Variants in ATP6V1A observed in about 807,000 individuals in gnomAD.
The protein encoded by ATP6V1A is V-type proton ATPase catalytic subunit A.
ATP6V1A carries 18 observed loss-of-function variants against 70.1 expected under a neutral mutation model. That is an observed-to-expected ratio of 0.26 (90% confidence interval 0.18 to 0.38). The LOEUF (loss-of-function observed/expected upper bound fraction) is 0.38. ATP6V1A is among the 10% of genes least tolerant of loss of function. The pLI is 1.00. For missense variants in ATP6V1A, 424 were observed against 772.4 expected, an observed-to-expected ratio of 0.55 and a Z score of 5.35; for synonymous variants, 232 against 253.8, an observed-to-expected ratio of 0.91 and a Z score of 0.82.
intron 1 of ATP6V1A, among the ~76,000 whole-genome samples, chr3:113,757,427 A>G (rs1708657633): frequency 6.6e-6 from 1 of 152,252 alleles, no homozygotes; most frequent in South Asian, 2.1e-4. Context: ...CCATTGAGCC[A>G]TATCAACTTT....
intron 1 of ATP6V1A, among the ~76,000 whole-genome samples, chr3:113,771,477 G>A (rs779926461): frequency 4.5e-5 from 6 of 132,472 alleles, no homozygotes; most frequent in East Asian, 2.3e-4. Context: ...TCGCTCTGTC[G>A]CCCAGGCTGG....
At chr3:113,800,181 G>T (rs937226193) in intron 12 of ATP6V1A, among the ~76,000 whole-genome samples, 1 of 146,898 alleles carries the variant, frequency 6.8e-6, no homozygotes, top group Non-Finnish European at 1.5e-5. Context: ...GCAGTGAGCC[G>T]AAATCACGCC....
Position 113,809,490 on chromosome 3 carries a change from C to G in ATP6V1A, c.*63C>G. The G allele has an allele frequency of 6.9e-7, 1 of 1,438,926 alleles. No individual in the cohort carries two copies. Among genetic ancestry groups the G allele is most frequent in the Non-Finnish European group, 9.6e-7 (1 of 1,036,914 alleles). 89.1% of individuals were successfully genotyped at this position (1,438,926 alleles called of 1,614,324 possible). A position where few individuals can be genotyped will look rare whatever the true frequency, so the allele number is the denominator to read the frequency against. ...AGCAAGCTCCTATGTGTATATTTTC[C>G]TGAATTTCTCATCTCAAACCCTTTG... On this transcript the variant is annotated 3_prime_UTR_variant, in exon 15 of 15. Coordinates refer to ENST00000273398, the MANE Select transcript of ATP6V1A (RefSeq NM_001690.4).
intron 14 of ATP6V1A, among the ~76,000 whole-genome samples, chr3:113,806,551 TG>T (rs1262052618): frequency 1.3e-5 from 2 of 151,940 alleles, no homozygotes; most frequent in Admixed American, 6.6e-5. Flanking sequence ...CTCCACCTCC[TG>T]GGTTCAAGCG....
In ATP6V1A at chr3:113,795,140, C is replaced by T. The variant is rs748247716; in HGVS notation, c.1162C>T (p.Arg388Ter). The change falls in exon 10 of 15, where the codon CGA becomes TGA. Residue 388 changes from arginine to a stop codon, truncating the protein, a stop_gained. Coordinates refer to ENST00000273398, the MANE Select transcript of ATP6V1A (RefSeq NM_001690.4). LOFTEE classifies it high-confidence loss of function. Reference sequence around the variant, plus strand: ...TGCCCGTCTGGCCTCGTTTTATGAACGAGCAGGCAGGGTGAAATGTCTTGG... The same window carrying T: ...TGCCCGTCTGGCCTCGTTTTATGAATGAGCAGGCAGGGTGAAATGTCTTGG... The part of the protein sequence containing the change: ...LGARLASFYE[R>*]AGRVKCLGNP... The T allele has an allele frequency of 2.5e-6, 4 of 1,614,044 alleles. No homozygotes were observed. Among genetic ancestry groups the T allele is most frequent in the Non-Finnish European group, 2.5e-6 (3 of 1,180,002 alleles).
At chr3:113,749,263 T>TCACACACACACACACA (rs58516178) in intron 1 of ATP6V1A, among the ~76,000 whole-genome samples, 97 of 141,250 alleles carry the variant, frequency 6.9e-4, no homozygotes, top group African/African-American at 2.5e-3. Context: ...TATACACAGA[T>TCACACACACACACACA]CACACACACA....
chr3:113,761,591 C>G (rs1029234409), intron 1 of ATP6V1A, among the ~76,000 whole-genome samples: 23 of 151,294 alleles, frequency 1.5e-4, no homozygotes, highest in Admixed American at 1.3e-3. Flanking sequence ...ACATAATTAG[C>G]CGGGCATGGA....
At position 113,760,096 on chromosome 3, in the gene ATP6V1A, C is replaced by T. The variant is rs1311036834; in HGVS notation, c.-14+12983C>T. 3.3e-5 allele frequency among the ~76,000 whole-genome samples: 5 copies of T among 152,274 alleles called. No individual in the cohort carries two copies. In the East Asian group the frequency reaches 9.6e-4, roughly 29 times the overall value. On this transcript the variant is annotated intron_variant, in intron 1 of 14. Coordinates refer to ENST00000273398, the MANE Select transcript of ATP6V1A (RefSeq NM_001690.4). The stretch of plus-strand genomic sequence containing the variant: ...TACTATTGAAAACTTCTCCTCTCCC[C>T]ACAACTAGTTTAGTTAAATAAACCC...
intron 12 of ATP6V1A, 78 bp downstream of exon 12, chr3:113,798,524 T>C: frequency 8.0e-7 from 1 of 1,249,322 alleles, no homozygotes; most frequent in Non-Finnish European, 1.1e-6. Flanking sequence ...GCCTTGGATA[T>C]TACAGATTCT....
chr3:113,782,560 GTGTATA>G (rs1164286836), intron 3 of ATP6V1A, among the ~76,000 whole-genome samples: 1 of 141,898 alleles, frequency 7.0e-6, no homozygotes, highest in Non-Finnish European at 1.5e-5. Context: ...ATATATACAT[GTGTATA>G]TATATACGTA....
At chr3:113,759,561 T>C (rs918034067) in intron 1 of ATP6V1A, among the ~76,000 whole-genome samples, 1 of 151,922 alleles carries the variant, frequency 6.6e-6, no homozygotes, top group African/African-American at 2.4e-5. Context: ...ATTAAAATTA[T>C]TAATAAAATT....
intron 1 of ATP6V1A, among the ~76,000 whole-genome samples, chr3:113,748,722 G>A (rs761864868): frequency 2.0e-5 from 3 of 152,132 alleles, no homozygotes; most frequent in Non-Finnish European, 4.4e-5. Flanking sequence ...ACATAACCTC[G>A]GAGATGTTGC....
chr3:113,779,381 G>A (rs768635140), intron 2 of ATP6V1A, among the ~76,000 whole-genome samples: 8 of 152,168 alleles, frequency 5.3e-5, no homozygotes, highest in Admixed American at 1.3e-4. Context: ...AAAACATGGA[G>A]TGCTGCTTTT....
intron 14 of ATP6V1A, among the ~76,000 whole-genome samples, chr3:113,808,053 C>T (rs530345817): frequency 6.6e-6 from 1 of 151,282 alleles, no homozygotes; most frequent in African/African-American, 2.4e-5. Flanking sequence ...TCACTTAAGC[C>T]CGGGAGGTGG....
intron 13 of ATP6V1A, 47 bp downstream of exon 13, chr3:113,803,724 G>T: frequency 6.7e-7 from 1 of 1,487,814 alleles, no homozygotes; most frequent in Middle Eastern, 1.7e-4. Context: ...TTTCTGTTGT[G>T]TTTTGGTGAA....
intron 14 of ATP6V1A, among the ~76,000 whole-genome samples, chr3:113,807,735 T>C (rs1709292824): frequency 6.6e-6 from 1 of 152,228 alleles, no homozygotes; most frequent in Non-Finnish European, 1.5e-5. Context: ...TACATGCTTA[T>C]TGTGTCAAAT....
chr3:113,781,686 A>G (rs768071317), intron 3 of ATP6V1A, among the ~76,000 whole-genome samples: 4 of 152,240 alleles, frequency 2.6e-5, no homozygotes, highest in Non-Finnish European at 5.9e-5. Context: ...TCTTATTTTA[A>G]GAAATTAGTA....
intron 8 of ATP6V1A, among the ~76,000 whole-genome samples, chr3:113,791,038 T>C (rs544326620): frequency 6.6e-6 from 1 of 152,292 alleles, no homozygotes; most frequent in East Asian, 1.9e-4. Flanking sequence ...ATTGATAGTT[T>C]CATTAAATTT....
intron 1 of ATP6V1A, among the ~76,000 whole-genome samples, chr3:113,759,482 G>C (rs571325323): frequency 6.6e-6 from 1 of 151,390 alleles, no homozygotes; most frequent in East Asian, 1.9e-4. Flanking sequence ...GATTAATAGG[G>C]ATTAAATTTT....
Sources: gnomAD v4.1 joint callset for allele counts (sites outside exome capture counted in the v4.1 genomes callset) on GRCh38, gnomAD v4.1.1 for gene constraint, MANE v1.5 for transcripts, NCBI Gene and HGNC (gene_info 2026-07-23, HGNC 2026-07-21) for gene names.